HUNK: variants seen among roughly 807,000 people sequenced by gnomAD.
HUNK encodes hormonally up-regulated Neu-associated kinase, also known as hormonally up-regulated neu tumor-associated kinase.
Under a neutral mutation model 61.0 loss-of-function variants are expected in HUNK, and 21 were observed. The observed-to-expected ratio is 0.34, with a 90% CI of 0.24 to 0.50. The LOEUF is 0.50. Among genes scored for constraint, HUNK ranks in the 20% least tolerant of loss-of-function variants. The pLI is 0.98. For synonymous variants in HUNK, 371 were observed against 386.1 expected, an observed-to-expected ratio of 0.96 and a Z score of 0.46; for missense variants, 772 against 945.7, an observed-to-expected ratio of 0.82 and a Z score of 2.41.
chr21:31,894,046 C>T (rs1185321831), intron 1 of HUNK, among the ~76,000 whole-genome samples: 1 of 152,184 alleles, frequency 6.6e-6, no homozygotes, highest in Non-Finnish European at 1.5e-5. Context: ...TATTCTTGTA[C>T]CTTTTCAACT....
chr21:31,897,359 TTCCC>T (rs1402601099), intron 1 of HUNK, among the ~76,000 whole-genome samples: 28 of 152,218 alleles, frequency 1.8e-4, no homozygotes, highest in African/African-American at 6.5e-4. Flanking sequence ...GGTGAGTTGG[TTCCC>T]TCCGAGGGCT....
chr21:31,951,595 TCA>T (rs1281123566), intron 4 of HUNK, among the ~76,000 whole-genome samples: 1 of 151,818 alleles, frequency 6.6e-6, no homozygotes, highest in Non-Finnish European at 1.5e-5. Context: ...TCCTGGAGAG[TCA>T]CACACAACAC....
At chr21:31,889,327 A>G (rs537152487) in intron 1 of HUNK, among the ~76,000 whole-genome samples, 1 of 152,302 alleles carries the variant, frequency 6.6e-6, no homozygotes, top group South Asian at 2.1e-4. Flanking sequence ...AGCTTAGGGA[A>G]AGTTAGCTGT....
At chr21:31,950,454 C>A (rs1034734964) in intron 4 of HUNK, among the ~76,000 whole-genome samples, 2 of 152,156 alleles carry the variant, frequency 1.3e-5, no homozygotes, top group African/African-American at 4.8e-5. Context: ...TGGAGACGGC[C>A]AGGTGGAGAA....
chr21:31,888,937 AAGGAAGC>A (rs2052367683), intron 1 of HUNK, among the ~76,000 whole-genome samples: 2 of 152,102 alleles, frequency 1.3e-5, no homozygotes, highest in Non-Finnish European at 2.9e-5. Flanking sequence ...TTCCTCAATG[AAGGAAGC>A]AGTGGGGACT....
intron 4 of HUNK, among the ~76,000 whole-genome samples, chr21:31,949,595 G>A (rs796299254): frequency 5.5e-5 from 8 of 146,166 alleles, no homozygotes; most frequent in Admixed American, 2.0e-4. Flanking sequence ...ACACACACAC[G>A]CACACAAAAG....
intron 5 of HUNK, among the ~76,000 whole-genome samples, chr21:31,962,346 C>T (rs1158080225): frequency 6.6e-6 from 1 of 152,216 alleles, no homozygotes; most frequent in African/African-American, 2.4e-5. Context: ...AATCTCATTG[C>T]TTCAGAACCA....
At chr21:31,874,215 G>C (rs1003241349) in intron 1 of HUNK, among the ~76,000 whole-genome samples, 1 of 60 alleles carries the variant, frequency 0.017, no homozygotes, top group South Asian at 0.5. Flanking sequence ...GAAGGGCGCC[G>C]CCTGGCGACA....
chr21:31,971,430 T>C (rs1484752366), intron 6 of HUNK, among the ~76,000 whole-genome samples: 1 of 152,200 alleles, frequency 6.6e-6, no homozygotes, highest in Non-Finnish European at 1.5e-5. Flanking sequence ...AGTGTTTATT[T>C]TGAAAAACAT....
intron 4 of HUNK, among the ~76,000 whole-genome samples, chr21:31,951,660 A>T (rs1270995310): frequency 1.3e-5 from 2 of 152,192 alleles, no homozygotes; most frequent in African/African-American, 4.8e-5. Context: ...GTGGAAAAAA[A>T]AATCCCTGTC....
At chr21:31,949,275 G>A (rs1327371787) in intron 4 of HUNK, among the ~76,000 whole-genome samples, 1 of 152,130 alleles carries the variant, frequency 6.6e-6, no homozygotes, top group African/African-American at 2.4e-5. Flanking sequence ...AGCAGCAGAG[G>A]ATGCCTTCTC....
chr21:31,924,788 C>T lies in HUNK; in HGVS notation c.554+28C>T, dbSNP rs780161504. ...AAGGGCCAGGCCACGCTGGTGATCG[C>T]TGACTGTGTGCTCCGTGGGTGGCAC... On this transcript the variant is annotated intron_variant, in intron 2 of 10. Coordinates refer to ENST00000270112, the MANE Select transcript of HUNK (RefSeq NM_014586.2). The surrounding 1 kb of genome is among the most constrained non-coding windows in gnomAD (Gnocchi z 5.1). The T allele has an allele frequency of 6.4e-7, 1 of 1,561,454 alleles. No homozygotes were observed. Among genetic ancestry groups the T allele is most frequent in the Non-Finnish European group, 8.7e-7 (1 of 1,154,586 alleles).
chr21:31,905,089 AAG>A, intron 1 of HUNK, among the ~76,000 whole-genome samples: 1 of 151,724 alleles, frequency 6.6e-6, no homozygotes. Flanking sequence ...AAAAAAAAAA[AAG>A]AGGTAGTTGA....
intron 9 of HUNK, among the ~76,000 whole-genome samples, chr21:31,993,973 G>A (rs932462097): frequency 2.0e-5 from 3 of 152,200 alleles, no homozygotes; most frequent in Non-Finnish European, 4.4e-5. Flanking sequence ...GTGGTGTCAA[G>A]TCAAGGGTTG....
intron 5 of HUNK, among the ~76,000 whole-genome samples, chr21:31,961,802 G>A (rs1255370431): frequency 6.6e-6 from 1 of 152,186 alleles, no homozygotes; most frequent in Non-Finnish European, 1.5e-5. Context: ...CCCACAGTGG[G>A]GAAAGGCAGA....
chr21:31,937,973 T>C (rs1403426904), intron 2 of HUNK, among the ~76,000 whole-genome samples: 2 of 152,324 alleles, frequency 1.3e-5, no homozygotes, highest in African/African-American at 4.8e-5. Context: ...CTTCTTCCCA[T>C]TGGTGGGCAC....
At chr21:31,989,454 C>G (rs1420451060) in intron 8 of HUNK, among the ~76,000 whole-genome samples, 1 of 152,166 alleles carries the variant, frequency 6.6e-6, no homozygotes, top group African/African-American at 2.4e-5. Flanking sequence ...GTGCTCATGC[C>G]TGTAATCCCA....
At chr21:31,975,027 T>C (rs1185380993) in intron 7 of HUNK, among the ~76,000 whole-genome samples, 2 of 151,430 alleles carry the variant, frequency 1.3e-5, no homozygotes, top group African/African-American at 4.9e-5. Flanking sequence ...GCCTCTTAGG[T>C]CTTTGGGTTC....
Position 31,998,578 on chromosome 21 carries a change from G to C in HUNK, c.1539G>C (p.Val513=), listed in dbSNP as rs148050790. The C allele has an allele frequency of 4.7e-4, 762 of 1,610,022 alleles. No individual in the cohort carries two copies. The highest frequency in any genetic ancestry group is 1.8e-3 in the Middle Eastern group (11 of 6,018). Residue 513 remains valine, a synonymous_variant, in exon 11 of 11, where the codon GTG becomes GTC. Coordinates refer to ENST00000270112, the MANE Select transcript of HUNK (RefSeq NM_014586.2). ...IFRKTSDSNC[V]ASSSMEFIPV... ...GCAAAACCTCAGATTCCAATTGTGT[G>C]GCTTCTTCTTCCATGGAGTTCATCC... is the stretch of plus-strand genomic sequence containing the variant.
Sources: gnomAD v4.1 joint callset for allele counts (sites outside exome capture counted in the v4.1 genomes callset) on GRCh38, gnomAD v4.1.1 for gene constraint, Gnocchi (gnomAD v3.1) non-coding constraint, MANE v1.5 for transcripts, NCBI Gene and HGNC (gene_info 2026-07-23, HGNC 2026-07-21) for gene names.